NKAIN3: variants seen among roughly 807,000 people sequenced by gnomAD.
The protein encoded by NKAIN3 is sodium/potassium transporting ATPase interacting 3, also known as sodium/potassium-transporting ATPase subunit beta-1-interacting protein 3.
A neutral mutation model predicts 30.2 loss-of-function variants in NKAIN3; 25 were observed. That is an observed-to-expected ratio of 0.83 (90% CI 0.60 to 1.16). The LOEUF (loss-of-function observed/expected upper bound fraction) is 1.16, where lower values mean the gene tolerates loss of function less well. Ranked by LOEUF, NKAIN3 falls within the 50% of genes most tolerant of loss-of-function variation. NKAIN3 has a pLI of 0.00. For missense variants in NKAIN3, 225 were observed against 254.1 expected, an observed-to-expected ratio of 0.89 and a Z score of 0.78; for synonymous variants, 91 against 89.6, an observed-to-expected ratio of 1.02 and a Z score of -0.09.
At chr8:62,397,262 T>TA (rs5891852) in intron 1 of NKAIN3, among the ~76,000 whole-genome samples, 21 of 150,026 alleles carry the variant, frequency 1.4e-4, no homozygotes, top group Admixed American at 3.3e-4. Flanking sequence ...TCTTTTTCCT[T>TA]AAAAAAAAAA....
At chr8:62,432,704 G>A (rs11988019) in intron 1 of NKAIN3, among the ~76,000 whole-genome samples, 105,847 of 151,878 alleles carry the variant, frequency 0.7, 37,183 homozygotes, top group Non-Finnish European at 0.73. Context: ...AATTTTGAAT[G>A]TAGATTTCAT....
chr8:62,291,031 T>C (rs973678514), intron 1 of NKAIN3, among the ~76,000 whole-genome samples: 5 of 152,152 alleles, frequency 3.3e-5, no homozygotes, highest in African/African-American at 1.2e-4. Context: ...TGAATAGAGG[T>C]GTTTGTAGTA....
At position 62,983,427 on chromosome 8, in the gene NKAIN3, G is replaced by A. The variant is rs981930521; in HGVS notation, c.*18020G>A. On this transcript the variant is annotated 3_prime_UTR_variant, in exon 7 of 7. Transcript: ENST00000623646. ...TCCCAGGATGAAGGAGAGCCCATTTGCAACCCTCTTCTGTCTCCCTAAGCA... is the reference window on the plus strand; with the variant it reads ...TCCCAGGATGAAGGAGAGCCCATTTACAACCCTCTTCTGTCTCCCTAAGCA... The A allele has an allele frequency of 1.3e-5, 2 of 152,132 alleles. No individual in the cohort carries two copies. The highest frequency in any genetic ancestry group is 4.8e-5 in the African/African-American group (2 of 41,428). The allele number at this position is 152,132 out of a possible 1,614,324, so 9.4% of individuals were successfully genotyped here.
At chr8:62,766,658 A>T (rs1312837281) in intron 4 of NKAIN3, among the ~76,000 whole-genome samples, 1 of 152,006 alleles carries the variant, frequency 6.6e-6, no homozygotes, top group Non-Finnish European at 1.5e-5. Flanking sequence ...TAGGCTATTG[A>T]GCAAAAAAAC....
chr8:62,639,448 G>C (rs904748628), intron 3 of NKAIN3, among the ~76,000 whole-genome samples: 2 of 152,156 alleles, frequency 1.3e-5, no homozygotes, highest in African/African-American at 4.8e-5. Flanking sequence ...AACAAAGAGA[G>C]ATGAGGACAA....
intron 4 of NKAIN3, among the ~76,000 whole-genome samples, chr8:62,799,871 T>C (rs1383296591): frequency 2.0e-5 from 3 of 151,990 alleles, no homozygotes; most frequent in African/African-American, 7.2e-5. Flanking sequence ...TAGTCAGCCA[T>C]AAAAAGGAAC....
intron 1 of NKAIN3, among the ~76,000 whole-genome samples, chr8:62,412,320 A>AC (rs200182193): frequency 1.3e-3 from 198 of 150,832 alleles, no homozygotes; most frequent in African/African-American, 4.7e-3. Context: ...AAACAAACAA[A>AC]AAAAAACAGT....
At chr8:62,713,549 G>T (rs1814793330) in intron 3 of NKAIN3, among the ~76,000 whole-genome samples, 1 of 152,072 alleles carries the variant, frequency 6.6e-6, no homozygotes, top group Non-Finnish European at 1.5e-5. Flanking sequence ...AACACTTATT[G>T]AGCAACAACA....
chr8:62,395,294 G>A (rs1817717308), intron 1 of NKAIN3, among the ~76,000 whole-genome samples: 1 of 151,760 alleles, frequency 6.6e-6, no homozygotes, highest in East Asian at 1.9e-4. Context: ...CCGGGCGGAG[G>A]CCCCCCTCAC....
At chr8:62,267,443 C>A (rs954499477) in intron 1 of NKAIN3, among the ~76,000 whole-genome samples, 38 of 152,124 alleles carry the variant, frequency 2.5e-4, no homozygotes, top group Non-Finnish European at 1.2e-4. Context: ...TGTTATGATT[C>A]TCTTGGCAGA....
chr8:62,899,382 A>G (rs1343869316), intron 4 of NKAIN3, among the ~76,000 whole-genome samples: 2 of 152,234 alleles, frequency 1.3e-5, no homozygotes, highest in Admixed American at 1.3e-4. Flanking sequence ...CATATACACA[A>G]TGGAGTACTG....
At chr8:62,505,276 C>G (rs1051613410) in intron 1 of NKAIN3, among the ~76,000 whole-genome samples, 1 of 152,064 alleles carries the variant, frequency 6.6e-6, no homozygotes, top group African/African-American at 2.4e-5. Flanking sequence ...GTGTTTAGCC[C>G]TAGGTATTGA....
intron 1 of NKAIN3, among the ~76,000 whole-genome samples, chr8:62,267,259 T>C (rs1311514311): frequency 1.3e-5 from 2 of 152,276 alleles, no homozygotes; most frequent in African/African-American, 4.8e-5. Context: ...TGATTCAGAA[T>C]TGAAGCAATA....
intron 4 of NKAIN3, among the ~76,000 whole-genome samples, chr8:62,893,272 G>A (rs1821343523): frequency 6.6e-6 from 1 of 152,078 alleles, no homozygotes; most frequent in Non-Finnish European, 1.5e-5. Context: ...CTGCAAATAG[G>A]GTGTGAGGAC....
chr8:62,742,486 G>A (rs1815935447), intron 3 of NKAIN3, among the ~76,000 whole-genome samples: 1 of 152,140 alleles, frequency 6.6e-6, no homozygotes, highest in Non-Finnish European at 1.5e-5. Flanking sequence ...GTTGCCTTCA[G>A]CTCAAAAAAT....
chr8:62,815,970 C>G (rs1373934246), intron 4 of NKAIN3, among the ~76,000 whole-genome samples: 2 of 152,076 alleles, frequency 1.3e-5, no homozygotes, highest in Non-Finnish European at 2.9e-5. Flanking sequence ...TATCTGTACT[C>G]CCTTGTTTCT....
intron 5 of NKAIN3, among the ~76,000 whole-genome samples, chr8:62,925,014 G>A (rs1474912717): frequency 6.6e-6 from 1 of 152,034 alleles, no homozygotes; most frequent in Non-Finnish European, 1.5e-5. Flanking sequence ...GTGGGGGTGG[G>A]AGGGTAATAA....
intron 1 of NKAIN3, among the ~76,000 whole-genome samples, chr8:62,499,765 C>A (rs1247484382): frequency 2.0e-5 from 3 of 151,994 alleles, no homozygotes; most frequent in Non-Finnish European, 2.9e-5. Flanking sequence ...AACCTTGAAA[C>A]CAGAGATTAA....
At chr8:62,868,174 A>G (rs1820483763) in intron 4 of NKAIN3, among the ~76,000 whole-genome samples, 1 of 152,222 alleles carries the variant, frequency 6.6e-6, no homozygotes, top group African/African-American at 2.4e-5. Flanking sequence ...TATTCTCACC[A>G]GAATAAGAAG....
Sources: gnomAD v4.1 joint callset for allele counts (sites outside exome capture counted in the v4.1 genomes callset) on GRCh38, gnomAD v4.1.1 for gene constraint, MANE v1.5 for transcripts, NCBI Gene and HGNC (gene_info 2026-07-23, HGNC 2026-07-21) for gene names.